ANKRD60: variants seen among roughly 807,000 people sequenced by gnomAD.
ANKRD60 encodes the protein ankyrin repeat domain-containing protein 60.
Under a neutral mutation model 21.3 loss-of-function variants are expected in ANKRD60, and 24 were observed. The ratio of observed to expected loss-of-function variants is 1.13; its 90% CI spans 0.82 to 1.59. The LOEUF (loss-of-function observed/expected upper bound fraction) is 1.59, where lower values mean the gene tolerates loss of function less well. Ranked by LOEUF, ANKRD60 falls within the 40% of genes most tolerant of loss-of-function variation. ANKRD60 has a pLI of 0.00. For synonymous variants in ANKRD60, 182 were observed against 199.4 expected (o/e 0.91, Z 0.74); for missense variants, 490 against 466.7 (o/e 1.05, Z -0.46).
chr20:58,216,346 C>T (rs1984135397), downstream of ANKRD60, among the ~76,000 whole-genome samples: 1 of 152,214 alleles, frequency 6.6e-6, no homozygotes, highest in South Asian at 2.1e-4. Flanking sequence ...AGATAGAATG[C>T]TTGCCCCCAG....
At position 58,220,918 on chromosome 20, in the gene ANKRD60, C is replaced by T. The variant is rs1048430352; in HGVS notation, c.727+420G>A. Among the ~76,000 whole-genome samples the T allele has an allele frequency of 6.6e-5, 10 of 152,252 alleles. 1 individual carries two copies. Among genetic ancestry groups the T allele is most frequent in the Middle Eastern group, 6.8e-3 (2 of 294 alleles). On this transcript the variant is annotated intron_variant, in intron 3 of 3. Coordinates refer to ENST00000457363, the Ensembl canonical transcript of ANKRD60. ...AAAGTGCTGAGATTACAGGCATGAGCCACCGTGCCTGGCCAGAGGCTAGAC... is the reference window on the plus strand; with the variant it reads ...AAAGTGCTGAGATTACAGGCATGAGTCACCGTGCCTGGCCAGAGGCTAGAC...
At position 58,228,497 on chromosome 20, in the gene ANKRD60, C is replaced by G. The variant is rs1984418073; in HGVS notation, c.157G>C (p.Val53Leu). 6.9e-7 allele frequency: 1 copy of G among 1,453,520 alleles called. No individual in the cohort carries two copies. The highest frequency in any genetic ancestry group is 2.6e-5 in the Admixed American group (1 of 38,800). The allele number at this position is 1,453,520 out of a possible 1,614,324, so 90.0% of individuals were successfully genotyped here. A position where few individuals can be genotyped will look rare whatever the true frequency, so the allele number is the denominator to read the frequency against. ...AGGGCCCGCGAGTCCGCCGAGCCCA[C>G]CCTGGGCCCGCCGCACCCCTGAGCC... The change falls in exon 1 of 4, where the codon GTG becomes CTG. Residue 53 changes from valine (V) to leucine (L), a missense_variant. Val to Leu is a conservative substitution (Grantham distance 32, BLOSUM62 1). Coordinates refer to ENST00000457363, the Ensembl canonical transcript of ANKRD60. The surrounding 1 kb of genome is among the most constrained non-coding windows in gnomAD (Gnocchi z 5.3).
At chr20:58,220,306 C>T (rs1984220981) in intron 3 of ANKRD60, among the ~76,000 whole-genome samples, 1 of 152,204 alleles carries the variant, frequency 6.6e-6, no homozygotes, top group African/African-American at 2.4e-5. Flanking sequence ...AGGCTGTTAA[C>T]AGCTGTTCTC....
chr20:58,223,528 A>G lies in ANKRD60; in HGVS notation c.431-346T>C, dbSNP rs775455050. Among the ~76,000 whole-genome samples the G allele has an allele frequency of 8.5e-5, 13 of 152,364 alleles. 1 individual carries two copies. Among genetic ancestry groups the G allele is most frequent in the Non-Finnish European group, 1.6e-4 (11 of 68,036 alleles). ...AGAATGACTTAAACCTGAAGTAACC[A>G]GTCATTAGACACACAGCACAATGTG... is the stretch of plus-strand genomic sequence containing the variant. On this transcript the variant is annotated intron_variant, in intron 1 of 3. Transcript: ENST00000457363.
At chr20:58,216,868 G>A (rs368621882), downstream of ANKRD60, among the ~76,000 whole-genome samples, 1 of 152,242 alleles carries the variant, frequency 6.6e-6, no homozygotes, top group Admixed American at 6.5e-5. Flanking sequence ...AAGTTGCTTA[G>A]AAGGTAGAGC....
intron 1 of ANKRD60, among the ~76,000 whole-genome samples, chr20:58,227,577 G>C (rs1984390771): frequency 2.0e-5 from 3 of 152,148 alleles, no homozygotes. Flanking sequence ...GGTTAGCCTA[G>C]AGATTTGGGG....
intron 3 of ANKRD60, 68 bp from the exon 4 acceptor site, chr20:58,218,873 G>T: frequency 7.1e-7 from 1 of 1,409,718 alleles, no homozygotes; most frequent in Non-Finnish European, 9.4e-7. Flanking sequence ...GTCCAGGGCT[G>T]TGAAGGGAGT....
At chr20:58,223,791 C>T (rs1055017105) in intron 1 of ANKRD60, among the ~76,000 whole-genome samples, 6 of 152,114 alleles carry the variant, frequency 3.9e-5, no homozygotes, top group Non-Finnish European at 8.8e-5. Context: ...GCAGCACGTT[C>T]ACCAAATCAA....
intron 1 of ANKRD60, among the ~76,000 whole-genome samples, chr20:58,225,037 T>G (rs1169958925): frequency 6.6e-6 from 1 of 152,154 alleles, no homozygotes; most frequent in Non-Finnish European, 1.5e-5. Context: ...AGAGGATTAT[T>G]TATAGGCAGT....
exon 3 of ANKRD60, chr20:58,221,441 C>T (rs984062939): frequency 2.6e-6 from 4 of 1,552,204 alleles, no homozygotes; most frequent in South Asian, 2.4e-5. Flanking sequence ...ACTTCTCACC[C>T]TCAAAATGTT....
chr20:58,220,711 T>C (rs1984233386), intron 3 of ANKRD60, among the ~76,000 whole-genome samples: 1 of 85,994 alleles, frequency 1.2e-5, no homozygotes, highest in African/African-American at 3.3e-5. Context: ...TGTGTGTGTG[T>C]GTGTGTGTGT....
In ANKRD60 at chr20:58,218,639, G is replaced by GTGGT; in HGVS notation, c.890_893dup (p.His298GlnfsTer25). 1 of 1,551,800 alleles carries GTGGT rather than the reference G, an allele frequency of 6.4e-7. No individual in the cohort carries two copies. Among genetic ancestry groups the GTGGT allele is most frequent in the Non-Finnish European group, 8.7e-7 (1 of 1,147,026 alleles). The stretch of plus-strand genomic sequence containing the variant: ...GGACCATCTGCCTCTCGCTCAGTGT[G>GTGGT]TGGTTCAGGCGGTGTGCAATGGAGA... On this transcript the variant is annotated frameshift_variant, in exon 4 of 4. Coordinates refer to ENST00000457363, the Ensembl canonical transcript of ANKRD60. LOFTEE classifies it low-confidence loss of function (END_TRUNC).
downstream of ANKRD60, among the ~76,000 whole-genome samples, chr20:58,217,621 G>A (rs372600254): frequency 5.3e-5 from 8 of 152,030 alleles, no homozygotes; most frequent in South Asian, 2.1e-4. Context: ...TCGTGCACTC[G>A]GCAGGCTGGG....
chr20:58,216,560 G>A (rs780493587), downstream of ANKRD60, among the ~76,000 whole-genome samples: 12 of 152,342 alleles, frequency 7.9e-5, no homozygotes, highest in Non-Finnish European at 5.9e-5. Context: ...TTTGCAGAAC[G>A]TCTGCCAAGA....
chr20:58,227,028 G>C (rs562563), intron 1 of ANKRD60, among the ~76,000 whole-genome samples: 50,176 of 152,014 alleles, frequency 0.33, 8,963 homozygotes, highest in South Asian at 0.46. Context: ...GTTTGAGGCT[G>C]AAACATGGGC....
intron 1 of ANKRD60, among the ~76,000 whole-genome samples, chr20:58,223,462 A>G (rs1452319467): frequency 6.6e-6 from 1 of 152,228 alleles, no homozygotes; most frequent in East Asian, 1.9e-4. Flanking sequence ...GAAAAGGCAC[A>G]TGAGTCAGTA....
At chr20:58,226,634 A>G (rs545871714) in intron 1 of ANKRD60, among the ~76,000 whole-genome samples, 1 of 152,196 alleles carries the variant, frequency 6.6e-6, no homozygotes, top group East Asian at 1.9e-4. Context: ...TGATGTAGAC[A>G]CGGTTTCGTA....
In ANKRD60 at chr20:58,228,207, G is replaced by C; in HGVS notation, c.430+17C>G. 6.5e-7 allele frequency: 1 copy of C among 1,537,468 alleles called. No individual in the cohort carries two copies. The highest frequency in any genetic ancestry group is 8.8e-7 in the Non-Finnish European group (1 of 1,138,492). On this transcript the variant is annotated intron_variant, in intron 1 of 3. Transcript: ENST00000457363. The surrounding 1 kb of genome is among the most constrained non-coding windows in gnomAD (Gnocchi z 5.3). ...GCCCTTGCATGTGGCCAGGGAAGGA[G>C]TCAGGGCAGGAGCCACCTTCGTCGA...
At chr20:58,219,980 A>AC (rs1443136983) in intron 3 of ANKRD60, among the ~76,000 whole-genome samples, 1 of 152,216 alleles carries the variant, frequency 6.6e-6, no homozygotes, top group Non-Finnish European at 1.5e-5. Context: ...TGTTGAGGTA[A>AC]CCTTTACCCA....
Sources: gnomAD v4.1 joint callset for allele counts (sites outside exome capture counted in the v4.1 genomes callset) on GRCh38, gnomAD v4.1.1 for gene constraint, Gnocchi (gnomAD v3.1) non-coding constraint, MANE v1.5 for transcripts, NCBI Gene and HGNC (gene_info 2026-07-23, HGNC 2026-07-21) for gene names.